RAPGEF6: variants seen among roughly 807,000 people sequenced by gnomAD.
The protein encoded by RAPGEF6 is PDZ domain containing guanine nucleotide exchange factor (GEF) 2.
RAPGEF6 carries 56 observed loss-of-function variants against 171.4 expected under a neutral mutation model. That is an observed-to-expected ratio of 0.33 (90% CI 0.26 to 0.41). RAPGEF6 has a LOEUF of 0.41. Ranked by LOEUF, RAPGEF6 falls within the 10% of genes least tolerant of loss-of-function variation. RAPGEF6 has a pLI of 1.00. For missense variants in RAPGEF6, 1,674 were observed against 1,921.4 expected (o/e 0.87, Z 2.41); for synonymous variants, 692 against 650.1 (o/e 1.06, Z -0.98).
chr5:131,635,185 C>G lies in RAPGEF6; in HGVS notation c.-155G>C. The G allele has an allele frequency of 2.7e-6, 2 of 732,646 alleles. No individual in the cohort carries two copies. Among genetic ancestry groups the G allele is most frequent in the East Asian group, 2.9e-5 (1 of 34,694 alleles). 45.4% of individuals were successfully genotyped at this position (732,646 alleles called of 1,614,324 possible). On this transcript the variant is annotated 5_prime_UTR_variant, in exon 1 of 28. Coordinates refer to ENST00000509018, the MANE Select transcript of RAPGEF6 (RefSeq NM_016340.6). ...TCTAGCAAACAACCCTTCGCAACGC[C>G]CGCCTAAGGCCTCTACCCACGCGCG...
chr5:131,504,638 G>A lies in RAPGEF6; in HGVS notation c.1242C>T (p.His414=). 1 of 1,604,706 alleles carries A rather than the reference G, an allele frequency of 6.2e-7. No individual in the cohort carries two copies. The change falls in exon 11 of 28, where the codon CAC becomes CAT. Residue 414 remains histidine, a synonymous_variant. Coordinates refer to ENST00000509018, the MANE Select transcript of RAPGEF6 (RefSeq NM_016340.6). ...ELDRSGTRKG[H]IVIKATPERL... The stretch of plus-strand genomic sequence containing the variant: ...TAAAAACACCCACCTTGATCACAAT[G>A]TGTCCTTTCCTGGTTCCACTCCGGT...
In RAPGEF6 at chr5:131,599,848, G is replaced by A. The variant is rs534849811; in HGVS notation, c.197+3423C>T. Among the ~76,000 whole-genome samples the A allele has an allele frequency of 5.3e-5, 8 of 152,224 alleles. No individual in the cohort carries two copies. In the South Asian group the frequency reaches 6.2e-4, roughly 12 times the overall value. ...CATGAATATTTTCCAAATGGCCAAC[G>A]CATGGCATTACAAAAATCAAACATA... is the stretch of plus-strand genomic sequence containing the variant. On this transcript the variant is annotated intron_variant, in intron 3 of 27. Coordinates refer to ENST00000509018, the MANE Select transcript of RAPGEF6 (RefSeq NM_016340.6).
intron 17 of RAPGEF6, among the ~76,000 whole-genome samples, chr5:131,471,383 G>C (rs1364968442): frequency 1.3e-5 from 2 of 152,108 alleles, no homozygotes; most frequent in Non-Finnish European, 2.9e-5. Flanking sequence ...ATGTCCTGAG[G>C]TTTTTATTTA....
intron 15 of RAPGEF6, among the ~76,000 whole-genome samples, chr5:131,485,043 C>A (rs1039990768): frequency 1.3e-5 from 2 of 152,162 alleles, no homozygotes; most frequent in South Asian, 4.1e-4. Context: ...CTTCCTGCTT[C>A]AGCCTCCCAA....
At chr5:131,517,670 G>C (rs1171999638) in intron 7 of RAPGEF6, among the ~76,000 whole-genome samples, 1 of 149,366 alleles carries the variant, frequency 6.7e-6, no homozygotes, top group Non-Finnish European at 1.5e-5. Context: ...AGCTCCAAAA[G>C]GGAATCTAAA....
chr5:131,602,034 C>CAAA (rs11400631), intron 3 of RAPGEF6, among the ~76,000 whole-genome samples: 8 of 124,150 alleles, frequency 6.4e-5, no homozygotes, highest in Non-Finnish European at 6.5e-5. Context: ...GACTCCGTCT[C>CAAA]AAAAAAAAAA....
intron 1 of RAPGEF6, among the ~76,000 whole-genome samples, chr5:131,609,079 C>T (rs1013814515): frequency 2.4e-4 from 36 of 152,178 alleles, no homozygotes; most frequent in Non-Finnish European, 3.1e-4. Context: ...TGAGCCACTG[C>T]GCCCAGCCTG....
intron 4 of RAPGEF6, among the ~76,000 whole-genome samples, chr5:131,584,260 AACAG>A (rs964619450): frequency 2.0e-5 from 3 of 152,248 alleles, no homozygotes; most frequent in Non-Finnish European, 2.9e-5. Flanking sequence ...TAAAATGGTT[AACAG>A]ACAGCTTGCA....
At chr5:131,630,791 A>G (rs1259718133) in intron 1 of RAPGEF6, among the ~76,000 whole-genome samples, 2 of 152,212 alleles carry the variant, frequency 1.3e-5, no homozygotes, top group African/African-American at 4.8e-5. Flanking sequence ...CAGAAACACA[A>G]GGAGTTCTTT....
In RAPGEF6 at chr5:131,442,263, T is replaced by C. The variant is rs10060699; in HGVS notation, c.3610+86A>G. On this transcript the variant is annotated intron_variant, in intron 23 of 27. Coordinates refer to ENST00000509018, the MANE Select transcript of RAPGEF6 (RefSeq NM_016340.6). ...ATATTACACAACCTACAACAGCTTA[T>C]CTCCTGAACATCTGTAATTATTTTT... The C allele has an allele frequency of 0.012, 15,317 of 1,295,262 alleles. 401 individuals are homozygous for C. The highest frequency in any genetic ancestry group is 0.096 in the African/African-American group (6,434 of 67,348). 80.2% of individuals were successfully genotyped at this position (1,295,262 alleles called of 1,614,324 possible).
intron 25 of RAPGEF6, 49 bp downstream of exon 25, chr5:131,433,381 G>C (rs1241491089): frequency 2.0e-6 from 3 of 1,529,720 alleles, no homozygotes; most frequent in South Asian, 2.3e-5. Context: ...TCCTTGCAGT[G>C]GCCACTTGGC....
At chr5:131,442,687 A>C in intron 22 of RAPGEF6, 150 bp from the exon 23 acceptor site, 2 of 1,265,854 alleles carry the variant, frequency 1.6e-6, no homozygotes, top group East Asian at 5.2e-5. Context: ...TCAGTTAAGT[A>C]CTATAAGATG....
Position 131,548,126 on chromosome 5 carries a change from C to T in RAPGEF6, c.416G>A (p.Arg139Gln), listed in dbSNP as rs760104633. The T allele has an allele frequency of 1.7e-5, 27 of 1,613,826 alleles. No homozygotes were observed. The highest frequency in any genetic ancestry group is 8.0e-5 in the African/African-American group (6 of 74,908). ...LQREIPARQS[R>Q]RRFRKINYKG... Reference sequence around the variant, plus strand: ...ATAGTTAATTTTCCGAAATCTTCTTCGGGATTGTCTGGCAGGAATTTCTCT... The same window carrying T: ...ATAGTTAATTTTCCGAAATCTTCTTTGGGATTGTCTGGCAGGAATTTCTCT... The change falls in exon 6 of 28, where the codon CGA (arginine) becomes CAA (glutamine). Residue 139 changes from arginine to glutamine, a missense_variant. By Grantham distance (43) the Arg-to-Gln change is conservative. Transcript: ENST00000509018.
intron 16 of RAPGEF6, among the ~76,000 whole-genome samples, chr5:131,478,070 T>G (rs1270757642): frequency 6.6e-6 from 1 of 152,134 alleles, no homozygotes; most frequent in African/African-American, 2.4e-5. Context: ...TTTAAAGTAA[T>G]GATTTTTATA....
intron 16 of RAPGEF6, among the ~76,000 whole-genome samples, chr5:131,478,534 C>T (rs1311593175): frequency 6.6e-6 from 1 of 152,160 alleles, no homozygotes; most frequent in African/African-American, 2.4e-5. Flanking sequence ...GTTACATATA[C>T]AGAAACACAA....
chr5:131,520,873 A>G lies in RAPGEF6; in HGVS notation c.627+517T>C, dbSNP rs549371989. Reference sequence around the variant, plus strand: ...CTCCCCAATATTACAATGATCACTGAAAAGCTCAGTAGGTTTGAAATTGTT... The same window carrying G: ...CTCCCCAATATTACAATGATCACTGGAAAGCTCAGTAGGTTTGAAATTGTT... On this transcript the variant is annotated intron_variant, in intron 7 of 27. Coordinates refer to ENST00000509018, the MANE Select transcript of RAPGEF6 (RefSeq NM_016340.6). Among the ~76,000 whole-genome samples the G allele has an allele frequency of 2.6e-5, 4 of 152,316 alleles. No homozygotes were observed. In the South Asian group the frequency reaches 8.3e-4, roughly 32 times the overall value.
intron 1 of RAPGEF6, among the ~76,000 whole-genome samples, chr5:131,614,307 G>GAAAGAA (rs1765138640): frequency 3.0e-5 from 4 of 133,018 alleles, no homozygotes; most frequent in Non-Finnish European, 4.9e-5. Flanking sequence ...AAAAAAGAAA[G>GAAAGAA]AAAGAAAAAG....
At chr5:131,514,157 C>T (rs964470819) in intron 7 of RAPGEF6, among the ~76,000 whole-genome samples, 10 of 152,076 alleles carry the variant, frequency 6.6e-5, no homozygotes, top group African/African-American at 2.4e-4. Flanking sequence ...TAAGAGTATA[C>T]ATGAGCATAA....
chr5:131,443,058 C>T (rs1752484374), intron 22 of RAPGEF6, among the ~76,000 whole-genome samples: 1 of 151,802 alleles, frequency 6.6e-6, no homozygotes, highest in Non-Finnish European at 1.5e-5. Flanking sequence ...GATTCTCCTG[C>T]CTCAGCCTCC....
Sources: gnomAD v4.1 joint callset for allele counts (sites outside exome capture counted in the v4.1 genomes callset) on GRCh38, gnomAD v4.1.1 for gene constraint, MANE v1.5 for transcripts, NCBI Gene and HGNC (gene_info 2026-07-23, HGNC 2026-07-21) for gene names.